ETFDH: variants seen among roughly 807,000 people sequenced by gnomAD.
ETFDH encodes electron transfer flavoprotein-ubiquinone oxidoreductase, mitochondrial.
Under a neutral mutation model 73.2 loss-of-function variants are expected in ETFDH, and 61 were observed. The ratio of observed to expected loss-of-function variants is 0.83; its 90% CI spans 0.68 to 1.03. The LOEUF (loss-of-function observed/expected upper bound fraction) is 1.03. Ranked by LOEUF, ETFDH falls within the 50% of genes least tolerant of loss-of-function variation. ETFDH has a pLI of 0.00. For missense variants in ETFDH, 685 were observed against 745.0 expected (o/e 0.92, Z 0.94); for synonymous variants, 243 against 253.3 (o/e 0.96, Z 0.39).
In ETFDH at chr4:158,708,454, T is replaced by C. The variant is rs770051042; in HGVS notation, c.1781T>C (p.Ile594Thr). ...TGTGTACATTGTAAAACATGTGATATTAAAGATCCAAGTCAGAATATTAAC... is the reference window on the plus strand; with the variant it reads ...TGTGTACATTGTAAAACATGTGATACTAAAGATCCAAGTCAGAATATTAAC... The part of the protein sequence containing the change: ...QNCVHCKTCD[I>T]KDPSQNINWV... The change falls in exon 13 of 13, where the codon ATT becomes ACT. Residue 594 changes from isoleucine (I) to threonine (T), a missense_variant. Physicochemically the swap from Ile to Thr is moderately conservative, Grantham distance 89. This residue lies in a region of ETFDH where 201 missense variants were observed against 225.2 expected (regional missense o/e 0.89). Coordinates refer to ENST00000511912, the MANE Select transcript of ETFDH (RefSeq NM_004453.4). 3 of 1,612,412 alleles carry C rather than the reference T, an allele frequency of 1.9e-6. No homozygotes were observed. Among genetic ancestry groups the C allele is most frequent in the Admixed American group, 1.7e-5 (1 of 60,020 alleles).
chr4:158,692,890 C>CATAT (rs1056213642), intron 6 of ETFDH, among the ~76,000 whole-genome samples: 904 of 89,624 alleles, frequency 0.01, 8 homozygotes, highest in African/African-American at 0.028. Context: ...AAAAAAAAAA[C>CATAT]ATATATATAT....
chr4:158,691,315 C>CGTGTTTGT (rs779806708), intron 6 of ETFDH, among the ~76,000 whole-genome samples: 4 of 151,914 alleles, frequency 2.6e-5, no homozygotes, highest in Admixed American at 6.6e-5. Flanking sequence ...TATACTTTGA[C>CGTGTTTGT]ATGTTTGTTT....
At chr4:158,680,374 A>T in intron 1 of ETFDH, 93 bp from the exon 2 acceptor site, 1 of 821,750 alleles carries the variant, frequency 1.2e-6, no homozygotes, top group Non-Finnish European at 2.1e-6. Context: ...ATTTCACTAT[A>T]CTCATTGAGT....
chr4:158,685,725 G>C (rs1005184819), intron 5 of ETFDH, among the ~76,000 whole-genome samples: 1 of 152,188 alleles, frequency 6.6e-6, no homozygotes, highest in Non-Finnish European at 1.5e-5. Context: ...GAAGCATAGA[G>C]ATTTATTTAA....
chr4:158,701,267 C>T (rs913945723), intron 9 of ETFDH, among the ~76,000 whole-genome samples: 4 of 152,158 alleles, frequency 2.6e-5, no homozygotes, highest in Admixed American at 6.5e-5. Flanking sequence ...GTTCTTGAAT[C>T]GAACTTGGTG....
At chr4:158,694,594 C>CAAAA (rs530332578) in intron 6 of ETFDH, among the ~76,000 whole-genome samples, 77 of 96,712 alleles carry the variant, frequency 8.0e-4, no homozygotes, top group African/African-American at 2.7e-3. Context: ...AACTCTGTCT[C>CAAAA]AAAAAAAAAA....
chr4:158,680,702 A>T, intron 2 of ETFDH, 95 bp downstream of exon 2: 1 of 1,074,296 alleles, frequency 9.3e-7, no homozygotes, highest in Non-Finnish European at 1.4e-6. Flanking sequence ...TAATTTAAAA[A>T]CATCTAATAA....
intron 8 of ETFDH, among the ~76,000 whole-genome samples, chr4:158,698,347 C>A (rs1335792782): frequency 6.6e-6 from 1 of 152,162 alleles, no homozygotes; most frequent in African/African-American, 2.4e-5. Flanking sequence ...ACCCCCCAGT[C>A]CAATGTTCAT....
intron 12 of ETFDH, among the ~76,000 whole-genome samples, chr4:158,707,786 C>T (rs1487578968): frequency 1.3e-5 from 2 of 152,124 alleles, no homozygotes; most frequent in Non-Finnish European, 2.9e-5. Context: ...AGAAAGTTCT[C>T]TATAAAGAGA....
chr4:158,691,882 G>A (rs529434453), intron 6 of ETFDH, among the ~76,000 whole-genome samples: 3 of 152,246 alleles, frequency 2.0e-5, no homozygotes, highest in South Asian at 4.2e-4. Flanking sequence ...TGCCTATTCA[G>A]GTTTATTTAT....
chr4:158,674,849 T>G (rs1773674446), intron 1 of ETFDH, among the ~76,000 whole-genome samples: 1 of 152,202 alleles, frequency 6.6e-6, no homozygotes, highest in African/African-American at 2.4e-5. Flanking sequence ...TACAGACAAC[T>G]AAAGACATTT....
intron 6 of ETFDH, among the ~76,000 whole-genome samples, chr4:158,694,463 G>A (rs1459522749): frequency 2.6e-5 from 4 of 151,834 alleles, no homozygotes; most frequent in East Asian, 1.9e-4. Flanking sequence ...GCTTGGTGGC[G>A]GGTGCCTGTA....
intron 7 of ETFDH, among the ~76,000 whole-genome samples, chr4:158,697,107 T>A (rs1318503977): frequency 6.6e-6 from 1 of 152,120 alleles, no homozygotes; most frequent in African/African-American, 2.4e-5. Flanking sequence ...TTTTTATTTT[T>A]TTTTTGAGAC....
chr4:158,688,794 C>T (rs972540572), intron 5 of ETFDH, among the ~76,000 whole-genome samples: 7 of 152,190 alleles, frequency 4.6e-5, no homozygotes, highest in African/African-American at 1.7e-4. Context: ...AGATACAATC[C>T]ATTCATTACA....
chr4:158,703,540 G>C lies in ETFDH; in HGVS notation c.1234G>C (p.Glu412Gln). The stretch of plus-strand genomic sequence containing the variant: ...AATGAAAAGTGGAATTTTAGCAGCA[G>C]AATCTATTTTTAATCAACTAACTAG... ...TAMKSGILAA[E>Q]SIFNQLTSEN... The change falls in exon 10 of 13, where the codon GAA becomes CAA. Residue 412 changes from glutamate to glutamine, a missense_variant. Coordinates refer to ENST00000511912, the MANE Select transcript of ETFDH (RefSeq NM_004453.4). 6.2e-7 allele frequency: 1 copy of C among 1,609,470 alleles called. No individual in the cohort carries two copies.
intron 3 of ETFDH, 56 bp downstream of exon 3, chr4:158,682,480 A>G (rs1288661832): frequency 3.2e-5 from 43 of 1,355,364 alleles, no homozygotes; most frequent in South Asian, 3.5e-5. Context: ...TATTTCAGTA[A>G]TTGTTCCCAA....
intron 1 of ETFDH, among the ~76,000 whole-genome samples, chr4:158,678,653 C>CTTTTT (rs11438999): frequency 7.1e-6 from 1 of 140,322 alleles, no homozygotes. Context: ...ATATCACCAT[C>CTTTTT]TTTTTTTTTT....
At chr4:158,708,029 G>A (rs912636855) in intron 12 of ETFDH, among the ~76,000 whole-genome samples, 8 of 152,292 alleles carry the variant, frequency 5.3e-5, no homozygotes, top group East Asian at 1.9e-4. Context: ...GGTTTCAGGC[G>A]TCTACTGGGG....
At chr4:158,702,894 A>G (rs1774502388) in intron 9 of ETFDH, among the ~76,000 whole-genome samples, 1 of 152,142 alleles carries the variant, frequency 6.6e-6, no homozygotes, top group South Asian at 2.1e-4. Flanking sequence ...AGGAACCTCT[A>G]TACTGTTTTC....
Sources: gnomAD v4.1 joint callset for allele counts (sites outside exome capture counted in the v4.1 genomes callset) on GRCh38, gnomAD v4.1.1 for gene constraint, gnomAD v4.1.1 regional missense constraint, MANE v1.5 for transcripts, NCBI Gene and HGNC (gene_info 2026-07-23, HGNC 2026-07-21) for gene names.